The following SAMD3 variants were observed in gnomAD, a reference collection of about 807,000 sequenced individuals.
SAMD3 encodes the protein sterile alpha motif domain containing 3, also known as sterile alpha motif domain-containing protein 3.
In SAMD3, 63 loss-of-function variants were observed where a neutral mutation model predicts 58.5. That is an observed-to-expected ratio of 1.08 (90% CI 0.88 to 1.33). SAMD3 has a LOEUF of 1.33. Ranked by LOEUF, SAMD3 falls within the 40% of genes most tolerant of loss-of-function variation. SAMD3 has a pLI of 0.00. For missense variants in SAMD3, 604 were observed against 608.4 expected (o/e 0.99, Z 0.08); for synonymous variants, 220 against 210.3 (o/e 1.05, Z -0.40).
At chr6:130,293,774 T>G (rs1229206170) in intron 2 of SAMD3, among the ~76,000 whole-genome samples, 1 of 151,774 alleles carries the variant, frequency 6.6e-6, no homozygotes, top group Non-Finnish European at 1.5e-5. Context: ...CACACCACTT[T>G]ATGCTGAAAA....
At chr6:130,282,649 G>GAA (rs200723427) in intron 2 of SAMD3, among the ~76,000 whole-genome samples, 4 of 148,850 alleles carry the variant, frequency 2.7e-5, no homozygotes, top group African/African-American at 9.8e-5. Flanking sequence ...AGTGTTCTAA[G>GAA]AAAAAAAAAA....
At chr6:130,297,775 G>A (rs867027185) in intron 2 of SAMD3, among the ~76,000 whole-genome samples, 2 of 152,140 alleles carry the variant, frequency 1.3e-5, no homozygotes, top group Non-Finnish European at 2.9e-5. Context: ...CAAAGCAGAA[G>A]AAAGCATTTC....
At chr6:130,326,268 A>C (rs1439881701) in intron 1 of SAMD3, among the ~76,000 whole-genome samples, 2 of 152,028 alleles carry the variant, frequency 1.3e-5, no homozygotes, top group African/African-American at 4.8e-5. Flanking sequence ...TTGTATGCTT[A>C]AATACTACTG....
chr6:130,276,710 G>T (rs1774788478), intron 2 of SAMD3, among the ~76,000 whole-genome samples: 1 of 152,050 alleles, frequency 6.6e-6, no homozygotes, highest in Middle Eastern at 3.2e-3. Context: ...GAGACTGCAG[G>T]ATTGCAGTAG....
At chr6:130,288,428 G>A (rs560266484) in intron 2 of SAMD3, among the ~76,000 whole-genome samples, 12 of 151,464 alleles carry the variant, frequency 7.9e-5, no homozygotes, top group African/African-American at 2.7e-4. Context: ...TTTACTCAAA[G>A]TCTACTGATT....
At chr6:130,349,612 T>A (rs113312786) in intron 1 of SAMD3, among the ~76,000 whole-genome samples, 2 of 152,152 alleles carry the variant, frequency 1.3e-5, no homozygotes, top group African/African-American at 2.4e-5. Flanking sequence ...CAGGACCAGA[T>A]GGATTCACAG....
chr6:130,190,572 GGATTAA>G (rs1793447296), intron 5 of SAMD3, among the ~76,000 whole-genome samples: 1 of 151,898 alleles, frequency 6.6e-6, no homozygotes, highest in Non-Finnish European at 1.5e-5. Flanking sequence ...GTACTAGATA[GGATTAA>G]TAGCAGAATG....
At chr6:130,156,844 G>A (rs1789828268) in intron 8 of SAMD3, among the ~76,000 whole-genome samples, 1 of 152,010 alleles carries the variant, frequency 6.6e-6, no homozygotes, top group African/African-American at 2.4e-5. Flanking sequence ...CGAGGCGGGT[G>A]GATCACCTTA....
intron 1 of SAMD3, among the ~76,000 whole-genome samples, chr6:130,316,401 T>C (rs1338244240): frequency 6.6e-6 from 1 of 151,276 alleles, no homozygotes; most frequent in African/African-American, 2.4e-5. Context: ...AAAACTTGAG[T>C]ACATTGCTAG....
At chr6:130,241,206 C>CTTTTTTT (rs57573903) in intron 2 of SAMD3, among the ~76,000 whole-genome samples, 1 of 109,262 alleles carries the variant, frequency 9.2e-6, no homozygotes, top group Admixed American at 1.0e-4. Flanking sequence ...CTTAAACCTC[C>CTTTTTTT]TTTTTTTTTT....
chr6:130,286,859 A>C (rs989433690), intron 2 of SAMD3, among the ~76,000 whole-genome samples: 1 of 152,088 alleles, frequency 6.6e-6, no homozygotes, highest in Non-Finnish European at 1.5e-5. Flanking sequence ...AGAGGTGCAC[A>C]CAACCACGCC....
chr6:130,325,056 A>G (rs1776710505), intron 1 of SAMD3, among the ~76,000 whole-genome samples: 1 of 107,602 alleles, frequency 9.3e-6, no homozygotes, highest in South Asian at 2.6e-4. Context: ...GCTCTGAAGA[A>G]CTATATCCAT....
intron 8 of SAMD3, among the ~76,000 whole-genome samples, chr6:130,163,189 A>T (rs1376593627): frequency 6.6e-6 from 1 of 152,258 alleles, no homozygotes; most frequent in African/African-American, 2.4e-5. Flanking sequence ...AAAATTTTTA[A>T]GAATGATTAC....
At chr6:130,283,806 A>G (rs1019798789) in intron 2 of SAMD3, among the ~76,000 whole-genome samples, 2 of 152,306 alleles carry the variant, frequency 1.3e-5, no homozygotes, top group East Asian at 1.9e-4. Flanking sequence ...GTAAGCAAAG[A>G]AACTAGTAAA....
chr6:130,278,629 G>T (rs1438495020), intron 2 of SAMD3, among the ~76,000 whole-genome samples: 1 of 152,040 alleles, frequency 6.6e-6, no homozygotes, highest in Non-Finnish European at 1.5e-5. Context: ...TCAATTCAAG[G>T]CCTCCCTACA....
chr6:130,196,048 C>T (rs1794074699), intron 5 of SAMD3, among the ~76,000 whole-genome samples: 1 of 152,174 alleles, frequency 6.6e-6, no homozygotes, highest in Non-Finnish European at 1.5e-5. Flanking sequence ...CAACCCTTTT[C>T]ATTACACACA....
At chr6:130,326,970 T>G (rs936614416) in intron 1 of SAMD3, among the ~76,000 whole-genome samples, 1 of 152,220 alleles carries the variant, frequency 6.6e-6, no homozygotes, top group Non-Finnish European at 1.5e-5. Context: ...AATAATTGGA[T>G]TTATAAACAA....
intron 2 of SAMD3, among the ~76,000 whole-genome samples, chr6:130,236,752 T>A (rs1334055382): frequency 6.6e-6 from 1 of 152,254 alleles, no homozygotes; most frequent in Non-Finnish European, 1.5e-5. Flanking sequence ...TGCTGGTTAT[T>A]TCATTAGATG....
At chr6:130,263,534 G>A (rs1222390030) in intron 2 of SAMD3, among the ~76,000 whole-genome samples, 1 of 152,136 alleles carries the variant, frequency 6.6e-6, no homozygotes, top group Admixed American at 6.5e-5. Flanking sequence ...CCCCTCCAGA[G>A]TCGTGGGCCA....
Sources: allele counts gnomAD v4.1 joint callset (sites outside exome capture counted in the v4.1 genomes callset), GRCh38; gene constraint gnomAD v4.1.1; transcripts MANE v1.5; gene names NCBI Gene and HGNC (gene_info 2026-07-23, HGNC 2026-07-21).